XPR1: variants seen among roughly 807,000 people sequenced by gnomAD.
XPR1 encodes the protein xenotropic and polytropic retrovirus receptor 1.
A neutral mutation model predicts 87.5 loss-of-function variants in XPR1; 28 were observed. The observed-to-expected ratio is 0.32, with a 90% CI of 0.24 to 0.44. The LOEUF (loss-of-function observed/expected upper bound fraction) is 0.44. Ranked by LOEUF, XPR1 falls within the 20% of genes least tolerant of loss-of-function variation. The pLI is 1.00. For missense variants in XPR1, 559 were observed against 862.3 expected (o/e 0.65, Z 4.41); for synonymous variants, 300 against 306.1 (o/e 0.98, Z 0.21).
At chr1:180,760,081 G>T (rs929338007) in intron 2 of XPR1, among the ~76,000 whole-genome samples, 13 of 152,118 alleles carry the variant, frequency 8.5e-5, no homozygotes, top group Middle Eastern at 3.4e-3. Context: ...TGCTAAAAAC[G>T]CTCAATAAAG....
At chr1:180,657,250 T>C (rs138218893) in intron 1 of XPR1, among the ~76,000 whole-genome samples, 72 of 152,284 alleles carry the variant, frequency 4.7e-4, no homozygotes, top group African/African-American at 1.5e-3. Context: ...GGGATGTCTC[T>C]TCATTTTGTT....
intron 9 of XPR1, among the ~76,000 whole-genome samples, chr1:180,830,645 TACTC>T (rs1176318538): frequency 4.6e-5 from 7 of 152,210 alleles, no homozygotes; most frequent in African/African-American, 9.6e-5. Flanking sequence ...AACTTCTACT[TACTC>T]AGAATTTCTT....
chr1:180,660,856 A>G (rs951635011), intron 1 of XPR1, among the ~76,000 whole-genome samples: 2 of 152,232 alleles, frequency 1.3e-5, no homozygotes, highest in African/African-American at 4.8e-5. Context: ...AATATCTATT[A>G]GGTCCATTTG....
intron 2 of XPR1, among the ~76,000 whole-genome samples, chr1:180,777,773 T>C (rs1648780721): frequency 6.6e-6 from 1 of 152,144 alleles, no homozygotes; most frequent in Non-Finnish European, 1.5e-5. Context: ...CATGAAACAG[T>C]AGTGCTAAAT....
At chr1:180,846,193 C>T (rs1382825667) in intron 11 of XPR1, among the ~76,000 whole-genome samples, 6 of 146,980 alleles carry the variant, frequency 4.1e-5, no homozygotes, top group African/African-American at 1.5e-4. Context: ...ACCCAGGAGG[C>T]GGAGGTTGCA....
chr1:180,686,192 G>A (rs141427657), intron 2 of XPR1, among the ~76,000 whole-genome samples: 6,530 of 152,112 alleles, frequency 0.043, 496 homozygotes, highest in African/African-American at 0.15. Flanking sequence ...TTGTGTCTTT[G>A]TTCTCGCTGG....
chr1:180,655,699 T>C (rs2877438), intron 1 of XPR1, among the ~76,000 whole-genome samples: 49,530 of 151,940 alleles, frequency 0.33, 8,745 homozygotes, highest in Non-Finnish European at 0.39. Flanking sequence ...CTGTGCTTTC[T>C]TTTTAGAGTT....
At chr1:180,727,201 G>T (rs566170759) in intron 2 of XPR1, among the ~76,000 whole-genome samples, 3 of 152,108 alleles carry the variant, frequency 2.0e-5, no homozygotes, top group Middle Eastern at 3.4e-3. Context: ...TGAAGAACAA[G>T]AAATAATACA....
At chr1:180,669,943 T>A (rs1000561983) in intron 1 of XPR1, among the ~76,000 whole-genome samples, 4 of 152,226 alleles carry the variant, frequency 2.6e-5, no homozygotes, top group Non-Finnish European at 5.9e-5. Context: ...TAAACAAAAC[T>A]GTGGAAAGTG....
intron 11 of XPR1, among the ~76,000 whole-genome samples, chr1:180,856,408 T>C (rs1394662214): frequency 6.6e-6 from 1 of 152,182 alleles, no homozygotes; most frequent in Non-Finnish European, 1.5e-5. Context: ...GTCCTTTTCA[T>C]AGAAAGAGCT....
chr1:180,803,419 T>G lies in XPR1; in HGVS notation c.255T>G (p.Ala85=), dbSNP rs1161744450. 6.2e-7 allele frequency: 1 copy of G among 1,614,054 alleles called. No individual in the cohort carries two copies. The highest frequency in any genetic ancestry group is 8.5e-7 in the Non-Finnish European group (1 of 1,179,986). ...EKLAEAQRRF[A]TLQNELQSSL... is the part of the protein sequence containing the mutation. The stretch of plus-strand genomic sequence containing the variant: ...TCGCAGAGGCTCAGCGCAGGTTTGC[T>G]ACACTTCAGAATGAGCTTCAGTCAT... The change falls in exon 4 of 15, where the codon GCT becomes GCG. Residue 85 remains alanine, a synonymous_variant. Transcript: ENST00000367590.
intron 2 of XPR1, among the ~76,000 whole-genome samples, chr1:180,758,238 A>G (rs1034211590): frequency 1.8e-4 from 28 of 152,126 alleles, no homozygotes; most frequent in African/African-American, 6.8e-4. Flanking sequence ...GAAATAAACT[A>G]AGCACAAAAA....
intron 1 of XPR1, among the ~76,000 whole-genome samples, chr1:180,661,822 C>A (rs1254649862): frequency 6.6e-6 from 1 of 152,086 alleles, no homozygotes; most frequent in Non-Finnish European, 1.5e-5. Context: ...TTGCAGTTAG[C>A]CAAGATCATG....
intron 1 of XPR1, among the ~76,000 whole-genome samples, chr1:180,653,529 C>T (rs1034991620): frequency 1.3e-5 from 2 of 152,036 alleles, no homozygotes; most frequent in African/African-American, 4.8e-5. Flanking sequence ...ACAGTAGTCC[C>T]CCCCTTATCC....
chr1:180,756,015 T>C (rs1647724223), intron 2 of XPR1, among the ~76,000 whole-genome samples: 1 of 152,200 alleles, frequency 6.6e-6, no homozygotes, highest in Non-Finnish European at 1.5e-5. Context: ...TAATTTATAG[T>C]GGAGATGTCT....
At chr1:180,783,918 G>C (rs902354334) in intron 2 of XPR1, among the ~76,000 whole-genome samples, 1 of 151,920 alleles carries the variant, frequency 6.6e-6, no homozygotes. Context: ...AGCGGGGCAT[G>C]ATGGCAGGCA....
At position 180,887,022 on chromosome 1, in the gene XPR1, A is replaced by C. The variant is rs1393780738; in HGVS notation, c.*2956A>C. On this transcript the variant is annotated 3_prime_UTR_variant, in exon 15 of 15. Transcript: ENST00000367590. Reference sequence around the variant, plus strand: ...CCCCGTCTCTACTAAAAATACAAAAATTAGCTGGGCGTGGTGGCGCATGCC... The same window carrying C: ...CCCCGTCTCTACTAAAAATACAAAACTTAGCTGGGCGTGGTGGCGCATGCC... 2 of 152,250 alleles carry C rather than the reference A, an allele frequency of 1.3e-5. No individual in the cohort carries two copies. Among genetic ancestry groups the C allele is most frequent in the African/African-American group, 4.8e-5 (2 of 41,456 alleles). The allele number at this position is 152,250 out of a possible 1,614,324, so 9.4% of individuals were successfully genotyped here. A position where few individuals can be genotyped will look rare whatever the true frequency, so the allele number is the denominator to read the frequency against.
intron 2 of XPR1, among the ~76,000 whole-genome samples, chr1:180,717,392 G>T (rs1658032273): frequency 6.6e-6 from 1 of 152,170 alleles, no homozygotes; most frequent in African/African-American, 2.4e-5. Context: ...TGCTGTTCTT[G>T]TGGAGGACCA....
intron 1 of XPR1, among the ~76,000 whole-genome samples, chr1:180,671,533 A>G (rs1192126077): frequency 6.6e-6 from 1 of 150,634 alleles, no homozygotes; most frequent in Non-Finnish European, 1.5e-5. Flanking sequence ...TAATATATAT[A>G]TATTTTTTTG....
Sources: allele counts gnomAD v4.1 joint callset (sites outside exome capture counted in the v4.1 genomes callset), GRCh38; gene constraint gnomAD v4.1.1; transcripts MANE v1.5; gene names NCBI Gene and HGNC (gene_info 2026-07-23, HGNC 2026-07-21).